ELAVL4: variants seen among roughly 807,000 people sequenced by gnomAD.
ELAVL4 encodes the protein ELAV like RNA binding protein 4, also known as ELAV-like protein 4.
A neutral mutation model predicts 35.6 loss-of-function variants in ELAVL4; 1 was observed. That is an observed-to-expected ratio of 0.03 (90% CI 0.01 to 0.13). ELAVL4 has a LOEUF of 0.13. Ranked by LOEUF, ELAVL4 falls within the 10% of genes least tolerant of loss-of-function variation. The pLI, the probability that ELAVL4 is intolerant of heterozygous loss-of-function variation, is 1.00. For synonymous variants in ELAVL4, 156 were observed against 171.0 expected (o/e 0.91, Z 0.69); for missense variants, 267 against 464.9 (o/e 0.57, Z 3.91).
intron 1 of ELAVL4, among the ~76,000 whole-genome samples, chr1:50,130,627 G>A (rs1041238033): frequency 6.6e-6 from 1 of 152,054 alleles, no homozygotes; most frequent in Non-Finnish European, 1.5e-5. Flanking sequence ...CACTTTGTAT[G>A]TACTTTTTCC....
chr1:50,105,372 T>A (rs1279486549), upstream of ELAVL4, among the ~76,000 whole-genome samples: 1 of 152,244 alleles, frequency 6.6e-6, no homozygotes, highest in Non-Finnish European at 1.5e-5. Flanking sequence ...AGCTTGTTTG[T>A]GTTTCATTCT....
chr1:50,050,440 C>A (rs952088870), intron 1 of ELAVL4, among the ~76,000 whole-genome samples: 1 of 152,112 alleles, frequency 6.6e-6, no homozygotes, highest in African/African-American at 2.4e-5. Context: ...TCAGAGTGAA[C>A]CTTTATGATC....
At chr1:50,133,595 AAAGAAAAGAAAGAAAGAAAGAAAG>A (rs1671246056) in intron 1 of ELAVL4, among the ~76,000 whole-genome samples, 1 of 129,372 alleles carries the variant, frequency 7.7e-6, no homozygotes, top group Non-Finnish European at 1.6e-5. Flanking sequence ...AGAAAGAAAG[AAAGAAAAGAAAGAAAGAAAGAAAG>A]AAAGAAAGAA....
At chr1:50,137,848 G>A (rs374227667) in intron 1 of ELAVL4, among the ~76,000 whole-genome samples, 9 of 152,202 alleles carry the variant, frequency 5.9e-5, no homozygotes, top group African/African-American at 1.7e-4. Flanking sequence ...CTTAGGTATT[G>A]GTTTTTATCT....
intron 1 of ELAVL4, among the ~76,000 whole-genome samples, chr1:50,053,357 T>G (rs1663492427): frequency 6.6e-6 from 1 of 152,156 alleles, no homozygotes; most frequent in Non-Finnish European, 1.5e-5. Flanking sequence ...GTTTTTTATG[T>G]TTTGTGTTTT....
chr1:50,121,309 T>C (rs1668993056), intron 1 of ELAVL4, among the ~76,000 whole-genome samples: 1 of 152,046 alleles, frequency 6.6e-6, no homozygotes, highest in South Asian at 2.1e-4. Context: ...ATTGTATCCT[T>C]GATACACTCT....
chr1:50,094,203 A>G (rs1572164538), intron 1 of ELAVL4, among the ~76,000 whole-genome samples: 1 of 152,256 alleles, frequency 6.6e-6, no homozygotes. Context: ...TGAATCAGAT[A>G]TAAGCCCCAT....
chr1:50,054,749 G>A (rs891103880), intron 1 of ELAVL4, among the ~76,000 whole-genome samples: 1 of 152,184 alleles, frequency 6.6e-6, no homozygotes, highest in African/African-American at 2.4e-5. Flanking sequence ...TTGCCCTTGA[G>A]ATGTTACTCT....
chr1:50,062,881 C>T (rs1557681871), intron 1 of ELAVL4, among the ~76,000 whole-genome samples: 1 of 152,078 alleles, frequency 6.6e-6, no homozygotes, highest in Non-Finnish European at 1.5e-5. Context: ...TTAATCCATC[C>T]ATCCATTCAC....
chr1:50,093,913 C>A (rs905892732), intron 1 of ELAVL4, among the ~76,000 whole-genome samples: 3 of 152,074 alleles, frequency 2.0e-5, no homozygotes, highest in Non-Finnish European at 4.4e-5. Flanking sequence ...GTTATTTAAC[C>A]TCTTTCTTAG....
chr1:50,117,423 G>A (rs1258157546), intron 1 of ELAVL4, among the ~76,000 whole-genome samples: 2 of 152,078 alleles, frequency 1.3e-5, no homozygotes, highest in Non-Finnish European at 2.9e-5. Context: ...GCCTGTACAG[G>A]CAAGCCTCTA....
At chr1:50,066,381 A>G (rs1664267398) in intron 1 of ELAVL4, among the ~76,000 whole-genome samples, 1 of 152,126 alleles carries the variant, frequency 6.6e-6, no homozygotes, top group African/African-American at 2.4e-5. Context: ...AAGTTTTCCT[A>G]CTAATCCTAC....
At chr1:50,049,305 A>C (rs943572200) in intron 1 of ELAVL4, among the ~76,000 whole-genome samples, 3 of 152,188 alleles carry the variant, frequency 2.0e-5, no homozygotes, top group Non-Finnish European at 2.9e-5. Context: ...CCTAGCTTTT[A>C]ATATTTTATA....
chr1:50,095,857 G>A (rs1665696806), intron 1 of ELAVL4, among the ~76,000 whole-genome samples: 1 of 152,182 alleles, frequency 6.6e-6, no homozygotes, highest in African/African-American at 2.4e-5. Context: ...ATAAAACAGT[G>A]CCTGTGTTGA....
In ELAVL4 at chr1:50,169,956, G is replaced by A. The variant is rs1261456032; in HGVS notation, c.251-7133G>A. Among the ~76,000 whole-genome samples, 11 of 152,098 alleles carry A rather than the reference G, an allele frequency of 7.2e-5. No individual in the cohort carries two copies. The South Asian group carries it at 1.9e-3, about 26-fold the overall frequency. On this transcript the variant is annotated intron_variant, in intron 2 of 6. Coordinates refer to ENST00000371824, the MANE Select transcript of ELAVL4 (RefSeq NM_001144774.3). ...TCTACATTATAAGCTCCCTGAATGC[G>A]GGGACAATTTTTTGGTCATTTTGGG...
chr1:50,151,392 A>G (rs1416692005), intron 2 of ELAVL4, among the ~76,000 whole-genome samples: 1 of 152,230 alleles, frequency 6.6e-6, no homozygotes, highest in East Asian at 1.9e-4. Flanking sequence ...TTAGCTAAAC[A>G]AAGAAGACTA....
intron 3 of ELAVL4, among the ~76,000 whole-genome samples, chr1:50,181,685 T>TTTTGC (rs1012682588): frequency 6.6e-6 from 1 of 151,824 alleles, no homozygotes; most frequent in African/African-American, 2.4e-5. Context: ...GTTTGTTTTG[T>TTTTGC]TTTGTTTTGT....
At chr1:50,054,234 G>T (rs1393046018) in intron 1 of ELAVL4, among the ~76,000 whole-genome samples, 1 of 152,186 alleles carries the variant, frequency 6.6e-6, no homozygotes, top group Admixed American at 6.5e-5. Flanking sequence ...TATAAGAACT[G>T]GTTCTGAAGT....
At chr1:50,153,311 G>A (rs191067742) in intron 2 of ELAVL4, among the ~76,000 whole-genome samples, 160 of 152,304 alleles carry the variant, frequency 1.1e-3, no homozygotes, top group Non-Finnish European at 1.8e-3. Context: ...TGCCTACTGC[G>A]TGTCAGCTAC....
Sources: allele counts gnomAD v4.1 joint callset (sites outside exome capture counted in the v4.1 genomes callset), GRCh38; gene constraint gnomAD v4.1.1; transcripts MANE v1.5; gene names NCBI Gene and HGNC (gene_info 2026-07-23, HGNC 2026-07-21).